Variants in UBXN7 observed in about 807,000 individuals in gnomAD.
The protein encoded by UBXN7 is UBX domain protein 7, also known as UBX domain-containing protein 7.
A neutral mutation model predicts 58.0 loss-of-function variants in UBXN7; 9 were observed. The ratio of observed to expected loss-of-function variants is 0.16; its 90% CI spans 0.09 to 0.27. The LOEUF (loss-of-function observed/expected upper bound fraction) is 0.27, where lower values mean the gene tolerates loss of function less well. Ranked by LOEUF, UBXN7 falls within the 10% of genes least tolerant of loss-of-function variation. The probability of loss-of-function intolerance (pLI) is 1.00; values close to 1 mark genes in which losing one functional copy is unlikely to be tolerated. For synonymous variants in UBXN7, 208 were observed against 205.0 expected (o/e 1.01, Z -0.12); for missense variants, 328 against 599.6 (o/e 0.55, Z 4.73).
At chr3:196,392,460 G>A (rs947899981) in intron 4 of UBXN7, among the ~76,000 whole-genome samples, 3 of 150,824 alleles carry the variant, frequency 2.0e-5, no homozygotes, top group South Asian at 4.2e-4. Context: ...AGCAGAGATC[G>A]CGCCACTGCA....
chr3:196,431,111 A>G (rs1035363429), intron 1 of UBXN7, among the ~76,000 whole-genome samples: 8 of 152,228 alleles, frequency 5.3e-5, no homozygotes, highest in African/African-American at 1.9e-4. Flanking sequence ...TGTAGTAGTT[A>G]AAACAATATA....
At position 196,352,871 on chromosome 3, in the gene UBXN7, T is replaced by C. The variant is rs1174535261; in HGVS notation, c.*3814A>G. The C allele has an allele frequency of 6.6e-6, 1 of 152,084 alleles. No homozygotes were observed. The highest frequency in any genetic ancestry group is 1.9e-4 in the East Asian group (1 of 5,170). The allele number at this position is 152,084 out of a possible 1,614,324, so 9.4% of individuals were successfully genotyped here. On this transcript the variant is annotated 3_prime_UTR_variant, in exon 11 of 11. Transcript: ENST00000296328. This position sits in a 1 kb window ranked among gnomAD's most constrained non-coding sequence, Gnocchi z 4.1. ...GCCGGGCGTGGTGGCGCTCACCTAT[T>C]AAAAAAGGTAATTGTATCTTTTCTG...
In UBXN7 at chr3:196,401,816, A is replaced by G. The variant is rs1041334674; in HGVS notation, c.289+1136T>C. Reference sequence around the variant, plus strand: ...TAAAGAAAGGAAAGAAAGAAAAGAAAAGAGAAGAGAGAAGAGAAGAGAAGA... The same window carrying G: ...TAAAGAAAGGAAAGAAAGAAAAGAAGAGAGAAGAGAGAAGAGAAGAGAAGA... On this transcript the variant is annotated intron_variant, in intron 3 of 10. Coordinates refer to ENST00000296328, the MANE Select transcript of UBXN7 (RefSeq NM_015562.2). 2.3e-3 allele frequency among the ~76,000 whole-genome samples: 309 copies of G among 132,192 alleles called. 2 individuals carry two copies. The highest frequency in any genetic ancestry group is 8.6e-3 in the African/African-American group (285 of 33,122). The allele number at this position is 132,192 out of a possible 152,430, so 86.7% of individuals were successfully genotyped here. A position where few individuals can be genotyped will look rare whatever the true frequency, so the allele number is the denominator to read the frequency against.
chr3:196,378,165 T>G (rs1048878392), intron 5 of UBXN7, among the ~76,000 whole-genome samples: 6 of 152,224 alleles, frequency 3.9e-5, no homozygotes, highest in African/African-American at 1.4e-4. Flanking sequence ...GGCAAGGATT[T>G]TATATAATTT....
chr3:196,377,635 C>T (rs140015342), intron 5 of UBXN7, among the ~76,000 whole-genome samples: 97 of 152,054 alleles, frequency 6.4e-4, no homozygotes, highest in African/African-American at 2.2e-3. Flanking sequence ...AAAATACAGC[C>T]CCCCTCTCTC....
chr3:196,430,799 C>T (rs924850874), intron 1 of UBXN7, among the ~76,000 whole-genome samples: 8 of 152,168 alleles, frequency 5.3e-5, no homozygotes, highest in South Asian at 2.1e-4. Context: ...TGCAGCAACA[C>T]TAACTTATAT....
At chr3:196,373,902 T>TG (rs985833069) in intron 5 of UBXN7, among the ~76,000 whole-genome samples, 1 of 152,082 alleles carries the variant, frequency 6.6e-6, no homozygotes, top group Non-Finnish European at 1.5e-5. Flanking sequence ...ATTCCATGGG[T>TG]GAAAACCCAA....
intron 1 of UBXN7, among the ~76,000 whole-genome samples, chr3:196,429,044 T>C (rs1047023094): frequency 1.3e-5 from 2 of 150,566 alleles, no homozygotes; most frequent in Non-Finnish European, 1.5e-5. Flanking sequence ...AATCCGTCAT[T>C]AGGCCAGGCG....
chr3:196,353,444 G>A lies in UBXN7; in HGVS notation c.*3241C>T, dbSNP rs1728263111. 6.6e-6 allele frequency: 1 copy of A among 150,566 alleles called. No individual in the cohort carries two copies. The highest frequency in any genetic ancestry group is 2.4e-5 in the African/African-American group (1 of 40,940). The allele number at this position is 150,566 out of a possible 1,614,324, so 9.3% of individuals were successfully genotyped here. On this transcript the variant is annotated 3_prime_UTR_variant, in exon 11 of 11. Coordinates refer to ENST00000296328, the MANE Select transcript of UBXN7 (RefSeq NM_015562.2). ...TCCTTCCGATACCAATTTCAAAAAA[G>A]TATTCCTCTCACTTTTTTCCCACTA...
intron 5 of UBXN7, among the ~76,000 whole-genome samples, chr3:196,378,859 A>G (rs111334029): frequency 6.6e-5 from 8 of 120,920 alleles, no homozygotes; most frequent in East Asian, 5.0e-4. Flanking sequence ...GTTTTGGGGG[A>G]TTTTAGCCAG....
intron 1 of UBXN7, among the ~76,000 whole-genome samples, chr3:196,409,778 TA>T (rs1730265910): frequency 6.6e-6 from 1 of 152,124 alleles, no homozygotes; most frequent in Non-Finnish European, 1.5e-5. Flanking sequence ...CTTTCCTTGC[TA>T]AGGCCCCAAG....
intron 1 of UBXN7, among the ~76,000 whole-genome samples, chr3:196,412,784 A>G (rs1375015173): frequency 6.6e-6 from 1 of 152,204 alleles, no homozygotes; most frequent in Non-Finnish European, 1.5e-5. Context: ...CCTTGAGGAC[A>G]TTATGCTAAG....
chr3:196,368,061 A>C lies in UBXN7; in HGVS notation c.801T>G (p.Leu267=). ...CACATTTTTTGGGGGGACTGCTAGA[A>C]AGTCCATCCAGTTGTCCATGTTCAC... is the stretch of plus-strand genomic sequence containing the variant. ...FLGEHGQLDG[L]SSSPPKKCAR... The change falls in exon 8 of 11, where the codon CTT becomes CTG. Residue 267 remains leucine, a synonymous_variant. Coordinates refer to ENST00000296328, the MANE Select transcript of UBXN7 (RefSeq NM_015562.2). 1.2e-6 allele frequency: 2 copies of C among 1,614,004 alleles called. No homozygotes were observed. Among genetic ancestry groups the C allele is most frequent in the Non-Finnish European group, 1.7e-6 (2 of 1,179,924 alleles).
At chr3:196,416,893 T>C (rs1423351675) in intron 1 of UBXN7, among the ~76,000 whole-genome samples, 1 of 152,182 alleles carries the variant, frequency 6.6e-6, no homozygotes, top group Non-Finnish European at 1.5e-5. Flanking sequence ...AAGAGGGATG[T>C]AAGTAGCTTT....
intron 5 of UBXN7, among the ~76,000 whole-genome samples, chr3:196,388,790 T>G (rs1264198156): frequency 2.0e-5 from 3 of 152,214 alleles, no homozygotes; most frequent in African/African-American, 7.2e-5. Context: ...TTCAATGACT[T>G]AATTTTGCTT....
intron 5 of UBXN7, among the ~76,000 whole-genome samples, chr3:196,377,844 C>T (rs4470557): frequency 3.3e-5 from 5 of 151,724 alleles, no homozygotes; most frequent in Admixed American, 3.3e-4. Context: ...CTAATTTTTT[C>T]GACTTTTTGT....
intron 1 of UBXN7, among the ~76,000 whole-genome samples, chr3:196,413,995 A>G (rs1730408654): frequency 6.6e-6 from 1 of 152,182 alleles, no homozygotes; most frequent in East Asian, 1.9e-4. Context: ...TAGAGATGGA[A>G]CAATGTTTTC....
intron 1 of UBXN7, among the ~76,000 whole-genome samples, chr3:196,430,401 TC>T (rs1188226512): frequency 3.3e-5 from 5 of 151,978 alleles, no homozygotes; most frequent in Non-Finnish European, 7.4e-5. Context: ...GCTTTTTTTT[TC>T]TTTTTGAGAA....
At position 196,420,117 on chromosome 3, in the gene UBXN7, T is replaced by C. The variant is rs139641685; in HGVS notation, c.73+12210A>G. 3.3e-4 allele frequency among the ~76,000 whole-genome samples: 50 copies of C among 152,332 alleles called. No individual in the cohort carries two copies. The East Asian group carries it at 8.7e-3, about 26-fold the overall frequency. ...ACTTAACAATTTCTGATGGATCAGC[T>C]GTAAAGAATTTGGACTTCTATCTTA... On this transcript the variant is annotated intron_variant, in intron 1 of 10. Coordinates refer to ENST00000296328, the MANE Select transcript of UBXN7 (RefSeq NM_015562.2).
Sources: gnomAD v4.1 joint callset for allele counts (sites outside exome capture counted in the v4.1 genomes callset) on GRCh38, gnomAD v4.1.1 for gene constraint, Gnocchi (gnomAD v3.1) non-coding constraint, MANE v1.5 for transcripts, NCBI Gene and HGNC (gene_info 2026-07-23, HGNC 2026-07-21) for gene names.